The following PTPRU variants were observed in gnomAD, a reference collection of about 807,000 sequenced individuals.
PTPRU encodes the protein protein tyrosine phosphatase receptor type U.
PTPRU carries 69 observed loss-of-function variants against 166.3 expected under a neutral mutation model. The ratio of observed to expected loss-of-function variants is 0.41; its 90% CI spans 0.34 to 0.51. The LOEUF is 0.51. Among genes scored for constraint, PTPRU ranks in the 20% least tolerant of loss-of-function variants. The pLI, the probability that PTPRU is intolerant of heterozygous loss-of-function variation, is 0.09. For missense variants in PTPRU, 1,657 were observed against 2,013.7 expected (o/e 0.82, Z 3.39); for synonymous variants, 793 against 814.0 (o/e 0.97, Z 0.44).
intron 7 of PTPRU, among the ~76,000 whole-genome samples, chr1:29,269,854 A>G (rs977617851): frequency 2.0e-5 from 3 of 151,938 alleles, no homozygotes; most frequent in African/African-American, 7.3e-5. Context: ...TTGCATTGGG[A>G]TGTAGAAAGC....
intron 17 of PTPRU, 81 bp from the exon 18 acceptor site, chr1:29,305,271 C>T: frequency 2.1e-6 from 3 of 1,400,026 alleles, no homozygotes; most frequent in South Asian, 1.2e-5. Flanking sequence ...GCCCTATCCC[C>T]TAGCCTCCAG....
intron 1 of PTPRU, among the ~76,000 whole-genome samples, chr1:29,245,772 G>A (rs2151939880): frequency 6.6e-6 from 1 of 152,270 alleles, no homozygotes; most frequent in African/African-American, 2.4e-5. Flanking sequence ...AATTCTCCTG[G>A]GTTTCTGGGC....
In PTPRU at chr1:29,279,362, A is replaced by T. The variant is rs1357781200; in HGVS notation, c.1564-94A>T. On this transcript the variant is annotated intron_variant, in intron 9 of 29. Coordinates refer to ENST00000373779, the MANE Select transcript of PTPRU (RefSeq NM_133178.4). This position sits in a 1 kb window ranked among gnomAD's most constrained non-coding sequence, Gnocchi z 5.2. ...TCCATAGTCTCCTTTGCTTAGCCTT[A>T]TCTCTCACTTCCCTGGGACATGGTG... is the stretch of plus-strand genomic sequence containing the variant. The T allele has an allele frequency of 1.6e-5, 22 of 1,393,378 alleles. No individual in the cohort carries two copies. The highest frequency in any genetic ancestry group is 2.0e-5 in the Non-Finnish European group (20 of 988,886). The allele number at this position is 1,393,378 out of a possible 1,614,324, so 86.3% of individuals were successfully genotyped here. A position where few individuals can be genotyped will look rare whatever the true frequency, so the allele number is the denominator to read the frequency against.
At chr1:29,245,914 ACATGGACT>A (rs1684276944) in intron 1 of PTPRU, among the ~76,000 whole-genome samples, 1 of 152,244 alleles carries the variant, frequency 6.6e-6, no homozygotes, top group African/African-American at 2.4e-5. Context: ...TGCATTGGGC[ACATGGACT>A]CTTTTGGGGT....
Position 29,303,989 on chromosome 1 carries a change from C to A in PTPRU, c.2611C>A (p.Gln871Lys). 6.2e-7 allele frequency: 1 copy of A among 1,613,300 alleles called. No individual in the cohort carries two copies. Among genetic ancestry groups the A allele is most frequent in the Non-Finnish European group, 8.5e-7 (1 of 1,179,608 alleles). ...HPAVRVADLL[Q>K]HINQMKTAEG... ...TGCGGTGCGTGTCGCAGACCTTCTG[C>A]AGCACATCAACCAGATGAAGACGGC... The change falls in exon 16 of 30, where the codon CAG becomes AAG. Residue 871 changes from glutamine (Q) to lysine (K), a missense_variant. Coordinates refer to ENST00000373779, the MANE Select transcript of PTPRU (RefSeq NM_133178.4).
Position 29,303,972 on chromosome 1 carries a change from G to T in PTPRU, c.2594G>T (p.Arg865Leu), listed in dbSNP as rs757186665. The T allele has an allele frequency of 6.2e-7, 1 of 1,613,622 alleles. No individual in the cohort carries two copies. The highest frequency in any genetic ancestry group is 8.5e-7 in the Non-Finnish European group (1 of 1,179,812). Residue 865 changes from arginine to leucine, a missense_variant, in exon 16 of 30, where the codon CGT (arginine) becomes CTT (leucine). Physicochemically the swap from Arg to Leu is moderately radical, Grantham distance 102 (BLOSUM62 -2). Around this residue, in one of 3 missense-constraint regions of PTPRU, gnomAD observed 1,190 missense variants for 1,477.4 expected, o/e 0.81. Transcript: ENST00000373779. ...ACGGGGCAGCTGCACCCTGCGGTGCGTGTCGCAGACCTTCTGCAGCACATC... is the reference window on the plus strand; with the variant it reads ...ACGGGGCAGCTGCACCCTGCGGTGCTTGTCGCAGACCTTCTGCAGCACATC... The part of the protein sequence containing the change: ...YHTGQLHPAV[R>L]VADLLQHINQ...
intron 13 of PTPRU, 135 bp downstream of exon 13, chr1:29,284,111 T>C: frequency 1.8e-6 from 2 of 1,089,460 alleles, no homozygotes; most frequent in South Asian, 1.4e-5. Context: ...CAGGAGGGGC[T>C]TCCTGCTGGG....
intron 7 of PTPRU, among the ~76,000 whole-genome samples, chr1:29,269,849 T>C (rs1246978653): frequency 1.3e-5 from 2 of 152,084 alleles, no homozygotes; most frequent in African/African-American, 4.8e-5. Flanking sequence ...CACCCTTGCA[T>C]TGGGATGTAG....
rs1685032616 is a variant in PTPRU at position 29,260,876 on chromosome 1, C to T, written c.1117C>T (p.Pro373Ser). 2 of 1,590,244 alleles carry T rather than the reference C, an allele frequency of 1.3e-6. No individual in the cohort carries two copies. Among genetic ancestry groups the T allele is most frequent in the South Asian group, 1.1e-5 (1 of 88,664 alleles). Residue 373 changes from proline (P) to serine (S), a missense_variant, in exon 7 of 30, where the codon CCC becomes TCC. By Grantham distance (74) the Pro-to-Ser change is moderately conservative. Coordinates refer to ENST00000373779, the MANE Select transcript of PTPRU (RefSeq NM_133178.4). The surrounding 1 kb of genome is among the most constrained non-coding windows in gnomAD (Gnocchi z 8.3). The stretch of plus-strand genomic sequence containing the variant: ...CGGCGGCACTGGCCGCCCTGGGCCA[C>T]CCCTCATCAGCCGCACCAAATGCGC... ...GDGGTGRPGP[P>S]LISRTKCAEP...
chr1:29,267,210 C>A (rs185086618), intron 7 of PTPRU, among the ~76,000 whole-genome samples: 6 of 152,248 alleles, frequency 3.9e-5, no homozygotes, highest in African/African-American at 1.4e-4. Context: ...GCCTGGATGA[C>A]AGATCAAGAT....
chr1:29,239,258 G>A (rs772906380), intron 1 of PTPRU, among the ~76,000 whole-genome samples: 30 of 152,190 alleles, frequency 2.0e-4, no homozygotes, highest in Non-Finnish European at 3.7e-4. Flanking sequence ...GAATGGCTCC[G>A]GAGCTTCCGG....
intron 7 of PTPRU, among the ~76,000 whole-genome samples, chr1:29,269,016 A>G (rs989904721): frequency 6.6e-6 from 1 of 151,924 alleles, no homozygotes; most frequent in African/African-American, 2.4e-5. Flanking sequence ...TTGATTTCTC[A>G]TCCAGTGTTT....
intron 14 of PTPRU, among the ~76,000 whole-genome samples, chr1:29,285,684 T>C (rs1686311070): frequency 6.6e-6 from 1 of 152,210 alleles, no homozygotes; most frequent in Non-Finnish European, 1.5e-5. Flanking sequence ...TTCAAATCTT[T>C]TTAAAGAAAC....
intron 25 of PTPRU, among the ~76,000 whole-genome samples, chr1:29,319,900 T>A (rs1387031100): frequency 6.6e-6 from 1 of 151,728 alleles, no homozygotes; most frequent in Admixed American, 6.6e-5. Context: ...GGGAGCTAGA[T>A]CTTTAATGGG....
chr1:29,314,059 C>T (rs1349064763), intron 22 of PTPRU, among the ~76,000 whole-genome samples: 1 of 152,138 alleles, frequency 6.6e-6, no homozygotes, highest in Admixed American at 6.5e-5. Context: ...TGCTGTTTGT[C>T]TTCTTTCCCT....
rs71586898 is a variant in PTPRU at position 29,277,803 on chromosome 1, C to CTTTTTTTTTTTTTTTTTTTTTTTTTT, written c.1454-1201_1454-1176dup. 3.4e-4 allele frequency among the ~76,000 whole-genome samples: 17 copies of CTTTTTTTTTTTTTTTTTTTTTTTTTT among 50,588 alleles called. 3 individuals carry two copies. Among genetic ancestry groups the CTTTTTTTTTTTTTTTTTTTTTTTTTT allele is most frequent in the Admixed American group, 1.3e-3 (4 of 3,164 alleles). The allele number at this position is 50,588 out of a possible 152,430, so 33.2% of individuals were successfully genotyped here. A position where few individuals can be genotyped will look rare whatever the true frequency, so the allele number is the denominator to read the frequency against. On this transcript the variant is annotated intron_variant, in intron 8 of 29. Coordinates refer to ENST00000373779, the MANE Select transcript of PTPRU (RefSeq NM_133178.4). ...ACCATCTGGCTTCACAGTTGTCATT[C>CTTTTTTTTTTTTTTTTTTTTTTTTTT]TTTTTTTTTTTTTTTTTTTTTTTTT...
Position 29,317,730 on chromosome 1 carries a change from C to T in PTPRU, c.3514-18C>T, listed in dbSNP as rs1435581939. 1.3e-6 allele frequency: 2 copies of T among 1,592,150 alleles called. No homozygotes were observed. Among genetic ancestry groups the T allele is most frequent in the South Asian group, 1.1e-5 (1 of 89,326 alleles). ...AGCCCTGGACGTAACTCTCTGTCCCCACCCCCGCTCCCTGTAGACGCTGAA... is the reference window on the plus strand; with the variant it reads ...AGCCCTGGACGTAACTCTCTGTCCCTACCCCCGCTCCCTGTAGACGCTGAA... On this transcript the variant is annotated intron_variant, in intron 24 of 29. Transcript: ENST00000373779. The surrounding 1 kb of genome is among the most constrained non-coding windows in gnomAD (Gnocchi z 5.6).
At chr1:29,297,052 GTTTTTTTTTT>G (rs35789721) in intron 15 of PTPRU, among the ~76,000 whole-genome samples, 2 of 111,404 alleles carry the variant, frequency 1.8e-5, no homozygotes, top group African/African-American at 3.5e-5. Flanking sequence ...CTTAGTAGCT[GTTTTTTTTTT>G]TTTTTTTTTG....
intron 14 of PTPRU, among the ~76,000 whole-genome samples, chr1:29,285,493 A>G (rs539763770): frequency 6.6e-6 from 1 of 152,154 alleles, no homozygotes; most frequent in South Asian, 2.1e-4. Flanking sequence ...TGTGTTTCCT[A>G]GCGGATTTGC....
Sources: gnomAD v4.1 joint callset for allele counts (sites outside exome capture counted in the v4.1 genomes callset) on GRCh38, gnomAD v4.1.1 for gene constraint, gnomAD v4.1.1 regional missense constraint, Gnocchi (gnomAD v3.1) non-coding constraint, MANE v1.5 for transcripts, NCBI Gene and HGNC (gene_info 2026-07-23, HGNC 2026-07-21) for gene names.